Variants in DMD observed in about 807,000 individuals in gnomAD.
The protein encoded by DMD is dystrophin, also known as mutant dystrophin.
Under a neutral mutation model 330.1 loss-of-function variants are expected in DMD, and 63 were observed. The ratio of observed to expected loss-of-function variants is 0.19; its 90% CI spans 0.16 to 0.24. The LOEUF is 0.24. Among genes scored for constraint, DMD ranks in the 10% least tolerant of loss-of-function variants. The probability of loss-of-function intolerance (pLI) is 1.00; values close to 1 mark genes in which losing one functional copy is unlikely to be tolerated. For missense variants in DMD, 3,344 were observed against 2,684.1 expected, an observed-to-expected ratio of 1.25 and a Z score of -5.43; for synonymous variants, 1,223 against 959.8, an observed-to-expected ratio of 1.27 and a Z score of -5.07.
intron 74 of DMD, among the ~76,000 whole-genome samples, chrX:31,168,853 T>C (rs2039694513): frequency 8.9e-6 from 1 of 112,072 alleles, no homozygotes; most frequent in Non-Finnish European, 1.9e-5. Context: ...CCTGCAGTCA[T>C]TATGAGAGTT....
At chrX:32,373,433 G>A (rs2097888041) in intron 34 of DMD, among the ~76,000 whole-genome samples, 1 of 108,605 alleles carries the variant, frequency 9.2e-6, no homozygotes, top group Admixed American at 9.8e-5. Context: ...GTTGTTCTAG[G>A]CTTTGTGAGC....
intron 44 of DMD, among the ~76,000 whole-genome samples, chrX:32,043,648 A>T (rs968161720): frequency 8.9e-6 from 1 of 111,753 alleles, no homozygotes; most frequent in Admixed American, 9.5e-5. Flanking sequence ...ATCTATCAAA[A>T]CAAGCCTATG....
At chrX:31,560,795 G>A (rs2075150978) in intron 55 of DMD, among the ~76,000 whole-genome samples, 1 of 111,824 alleles carries the variant, frequency 8.9e-6, no homozygotes, top group Non-Finnish European at 1.9e-5. Flanking sequence ...TCTTCCTTAT[G>A]ATTTTCTTAG....
At chrX:31,369,187 G>A (rs1382418643) in intron 60 of DMD, among the ~76,000 whole-genome samples, 1 of 112,479 alleles carries the variant, frequency 8.9e-6, no homozygotes, top group East Asian at 2.8e-4. Flanking sequence ...CTGAGGCCGG[G>A]ATTTAATCCA....
At chrX:31,332,135 C>G (rs1356621116) in intron 61 of DMD, among the ~76,000 whole-genome samples, 1 of 112,114 alleles carries the variant, frequency 8.9e-6, no homozygotes, top group Non-Finnish European at 1.9e-5. Context: ...ATGATGTGAA[C>G]AGAGGCTTGT....
At chrX:32,891,857 C>T (rs987382306) in intron 2 of DMD, among the ~76,000 whole-genome samples, 5 of 111,602 alleles carry the variant, frequency 4.5e-5, no homozygotes, top group African/African-American at 1.6e-4. Context: ...TTTGAGGTTC[C>T]TCAAATCATT....
At chrX:33,336,569 G>A (rs1261452667) in intron 1 of DMD, among the ~76,000 whole-genome samples, 2 of 110,963 alleles carry the variant, frequency 1.8e-5, no homozygotes, top group Non-Finnish European at 3.8e-5. Flanking sequence ...TTACCTAAAA[G>A]AGATAAATAA....
intron 2 of DMD, among the ~76,000 whole-genome samples, chrX:32,934,314 G>A (rs1376548913): frequency 9.0e-6 from 1 of 111,063 alleles, no homozygotes; most frequent in Non-Finnish European, 1.9e-5. Flanking sequence ...AATCCCCCTG[G>A]GAGGCTGAGG....
chrX:32,295,111 AC>A (rs1449527435), intron 42 of DMD, among the ~76,000 whole-genome samples: 1 of 111,496 alleles, frequency 9.0e-6, no homozygotes, highest in Non-Finnish European at 1.9e-5. Context: ...TGAATTGACC[AC>A]TTCACTATTC....
At chrX:31,197,533 G>A (rs2043022324) in intron 67 of DMD, among the ~76,000 whole-genome samples, 1 of 111,710 alleles carries the variant, frequency 9.0e-6, no homozygotes, top group East Asian at 2.8e-4. Context: ...GTGCATAGAT[G>A]GTATTCATTT....
chrX:31,337,951 T>C (rs1329442846), intron 61 of DMD, among the ~76,000 whole-genome samples: 5 of 111,885 alleles, frequency 4.5e-5, no homozygotes, highest in African/African-American at 6.5e-5. Context: ...TGGGGTATGA[T>C]AGCAGCTTCA....
intron 1 of DMD, among the ~76,000 whole-genome samples, chrX:33,232,700 G>T (rs1449690692): frequency 2.7e-5 from 3 of 111,220 alleles, no homozygotes; most frequent in Non-Finnish European, 3.8e-5. Context: ...AGACCAGCAT[G>T]GTCAACATGT....
chrX:31,658,167 G>A, intron 53 of DMD, 23 bp from the exon 54 acceptor site: 1 of 1,207,700 alleles, frequency 8.3e-7, no homozygotes, highest in Non-Finnish European at 1.1e-6. Context: ...ATGAGAAAGA[G>A]AATGAATGTC....
intron 51 of DMD, among the ~76,000 whole-genome samples, chrX:31,764,203 T>C (rs1285998263): frequency 3.6e-5 from 4 of 111,843 alleles, no homozygotes; most frequent in Non-Finnish European, 1.9e-5. Flanking sequence ...ACAATTGTAC[T>C]GTAAAATCTC....
chrX:31,611,823 A>G (rs905852446), intron 55 of DMD, among the ~76,000 whole-genome samples: 6 of 110,957 alleles, frequency 5.4e-5, no homozygotes, highest in Non-Finnish European at 1.1e-4. Context: ...AGCCTCCCAC[A>G]GTTCTGGGAT....
intron 54 of DMD, among the ~76,000 whole-genome samples, chrX:31,652,971 G>C (rs1297117898): frequency 9.0e-6 from 1 of 111,336 alleles, no homozygotes; most frequent in African/African-American, 3.3e-5. Flanking sequence ...CCTGCTAAAG[G>C]GGAGGAGCAA....
At chrX:32,151,467 T>C (rs186500502) in intron 44 of DMD, 216 of 111,814 alleles carry the variant, frequency 1.9e-3, no homozygotes, top group African/African-American at 6.7e-3. Flanking sequence ...CAAGGGAGTT[T>C]AGTCAGCTGA....
chrX:32,782,945 TATACACACACAC>T (rs201746433), intron 7 of DMD, among the ~76,000 whole-genome samples: 3,231 of 102,122 alleles, frequency 0.032, 139 homozygotes, highest in African/African-American at 0.11. Context: ...ACAAAAATTA[TATACACACACAC>T]ATACACACAC....
intron 30 of DMD, among the ~76,000 whole-genome samples, chrX:32,393,102 T>G (rs2098015709): frequency 8.9e-6 from 1 of 112,366 alleles, no homozygotes; most frequent in African/African-American, 3.2e-5. Flanking sequence ...CATTAGTCCC[T>G]TCTTGAGTCA....
Sources: gnomAD v4.1 joint callset for allele counts (sites outside exome capture counted in the v4.1 genomes callset) on GRCh38, gnomAD v4.1.1 for gene constraint, MANE v1.5 for transcripts, NCBI Gene and HGNC (gene_info 2026-07-23, HGNC 2026-07-21) for gene names.